Variants in KLHL13 observed in about 807,000 individuals in gnomAD.
KLHL13 encodes the protein kelch like family member 13.
A neutral mutation model predicts 37.1 loss-of-function variants in KLHL13; 10 were observed. The observed-to-expected ratio is 0.27, with a 90% CI of 0.17 to 0.46. KLHL13 has a LOEUF of 0.46. Among genes scored for constraint, KLHL13 ranks in the 20% least tolerant of loss-of-function variants. The pLI is 1.00. For synonymous variants in KLHL13, 163 were observed against 181.2 expected (o/e 0.90, Z 0.81); for missense variants, 360 against 509.3 (o/e 0.71, Z 2.82).
chrX:118,031,681 AT>A (rs1423590920), intron 1 of KLHL13, among the ~76,000 whole-genome samples: 1 of 101,838 alleles, frequency 9.8e-6, no homozygotes, highest in African/African-American at 3.6e-5. Flanking sequence ...TATAACTAAA[AT>A]TTTTAGCCAG....
intron 1 of KLHL13, among the ~76,000 whole-genome samples, chrX:118,033,137 G>C (rs974817713): frequency 9.0e-6 from 1 of 111,307 alleles, no homozygotes; most frequent in African/African-American, 3.3e-5. Context: ...AAAGTGAGGG[G>C]GGGGAATGGA....
At chrX:117,957,325 T>C (rs1428702618) in intron 1 of KLHL13, among the ~76,000 whole-genome samples, 1 of 112,142 alleles carries the variant, frequency 8.9e-6, no homozygotes, top group African/African-American at 3.2e-5. Flanking sequence ...GAGTCACTGC[T>C]TGCCGAACAG....
At chrX:117,898,963 G>A (rs1168907351) in exon 7 of KLHL13, 2 of 1,210,423 alleles carry the variant, frequency 1.7e-6, no homozygotes, top group Non-Finnish European at 2.2e-6. Context: ...TTCTTCTGGT[G>A]GAAAAACTGT....
intron 1 of KLHL13, among the ~76,000 whole-genome samples, chrX:118,009,820 G>A (rs1219884351): frequency 5.8e-4 from 50 of 86,062 alleles, no homozygotes; most frequent in African/African-American, 2.0e-3. Context: ...GGATGGCATT[G>A]AATCTGTAAA....
At chrX:117,984,933 CTTTAT>C (rs1464113657) in intron 1 of KLHL13, among the ~76,000 whole-genome samples, 2 of 110,138 alleles carry the variant, frequency 1.8e-5, no homozygotes, top group Admixed American at 9.8e-5. Context: ...AGTCACTATT[CTTTAT>C]TTTAACTTTT....
upstream of KLHL13, among the ~76,000 whole-genome samples, chrX:117,974,760 C>T (rs1293552063): frequency 9.0e-6 from 1 of 111,262 alleles, no homozygotes; most frequent in Non-Finnish European, 1.9e-5. Context: ...AAAGAGAAAG[C>T]TTATTTTGAA....
At chrX:117,977,770 G>A (rs1300663822), upstream of KLHL13, among the ~76,000 whole-genome samples, 2 of 112,084 alleles carry the variant, frequency 1.8e-5, no homozygotes, top group East Asian at 2.8e-4. Context: ...CAAATAGGAC[G>A]GTTAAACCCT....
intron 1 of KLHL13, among the ~76,000 whole-genome samples, chrX:118,014,633 G>A (rs2054106938): frequency 8.9e-6 from 1 of 112,357 alleles, no homozygotes; most frequent in South Asian, 3.7e-4. Context: ...TGGTTTTGCA[G>A]CTCAAGTGGA....
intron 2 of KLHL13, 52 bp from the exon 4 acceptor site, chrX:117,920,422 A>C (rs745794311): frequency 8.8e-7 from 1 of 1,136,792 alleles, no homozygotes; most frequent in Middle Eastern, 2.4e-4. Context: ...TGAGGTTACA[A>C]ATCTTCGTGT....
chrX:118,022,746 C>A (rs1453665281), intron 1 of KLHL13, among the ~76,000 whole-genome samples: 1 of 112,230 alleles, frequency 8.9e-6, no homozygotes, highest in Non-Finnish European at 1.9e-5. Flanking sequence ...ACCCTCATCA[C>A]ATATATGGTT....
intron 1 of KLHL13, among the ~76,000 whole-genome samples, chrX:118,045,371 C>CAA (rs55736320): frequency 1.4e-5 from 1 of 72,592 alleles, no homozygotes; most frequent in African/African-American, 4.9e-5. Flanking sequence ...AAGACTCCAT[C>CAA]AAAAAAAAAA....
At chrX:118,117,087 A>C (rs2055481776), upstream of KLHL13, among the ~76,000 whole-genome samples, 1 of 113,122 alleles carries the variant, frequency 8.8e-6, no homozygotes, top group Admixed American at 9.2e-5. Context: ...GTGTGAGCCC[A>C]CATGGATTCT....
At chrX:118,090,646 G>T (rs1216382004) in intron 1 of KLHL13, among the ~76,000 whole-genome samples, 1 of 110,530 alleles carries the variant, frequency 9.0e-6, no homozygotes, top group Non-Finnish European at 1.9e-5. Flanking sequence ...TGGAGAGGAT[G>T]TGGAGAAATA....
intron 1 of KLHL13, among the ~76,000 whole-genome samples, chrX:117,967,415 G>A (rs748851390): frequency 1.8e-5 from 2 of 110,703 alleles, no homozygotes; most frequent in East Asian, 2.8e-4. Flanking sequence ...TCATCGCTCC[G>A]TCTCCCCAAG....
At chrX:117,925,027 G>A (rs1931933640) in intron 2 of KLHL13, among the ~76,000 whole-genome samples, 1 of 110,655 alleles carries the variant, frequency 9.0e-6, no homozygotes, top group African/African-American at 3.3e-5. Flanking sequence ...CTAATACCAG[G>A]AAACAAAGAA....
intron 2 of KLHL13, among the ~76,000 whole-genome samples, chrX:117,923,654 T>C (rs1432011270): frequency 1.8e-5 from 2 of 111,690 alleles, no homozygotes; most frequent in Admixed American, 1.9e-4. Flanking sequence ...ACATATTACT[T>C]TTTTTTCCCT....
exon 1 of KLHL13, chrX:118,116,530 C>T (rs2055471593): frequency 8.9e-6 from 1 of 112,530 alleles, no homozygotes; most frequent in Non-Finnish European, 1.9e-5. Flanking sequence ...GTCCTGGCGT[C>T]CCGCCGCTTG....
chrX:117,998,018 A>G (rs768407550), intron 1 of KLHL13, among the ~76,000 whole-genome samples: 3 of 111,531 alleles, frequency 2.7e-5, no homozygotes, highest in African/African-American at 9.8e-5. Context: ...CCTCACCAAG[A>G]CAGAAATTGA....
chrX:118,097,595 G>C (rs1380858365), intron 1 of KLHL13, among the ~76,000 whole-genome samples: 1 of 111,320 alleles, frequency 9.0e-6, no homozygotes, highest in Non-Finnish European at 1.9e-5. Context: ...AGTTCATATG[G>C]AACCAAAAAA....
Sources: gnomAD v4.1 joint callset for allele counts (sites outside exome capture counted in the v4.1 genomes callset) on GRCh38, gnomAD v4.1.1 for gene constraint, MANE v1.5 for transcripts, NCBI Gene and HGNC (gene_info 2026-07-23, HGNC 2026-07-21) for gene names.